CAMK1D: variants seen among roughly 807,000 people sequenced by gnomAD.
The protein encoded by CAMK1D is calcium/calmodulin-dependent protein kinase type 1D.
Under a neutral mutation model 47.7 loss-of-function variants are expected in CAMK1D, and 9 were observed. That is an observed-to-expected ratio of 0.19 (90% CI 0.11 to 0.33). The LOEUF (loss-of-function observed/expected upper bound fraction) is 0.33. Ranked by LOEUF, CAMK1D falls within the 10% of genes least tolerant of loss-of-function variation. The pLI, the probability that CAMK1D is intolerant of heterozygous loss-of-function variation, is 1.00. For missense variants in CAMK1D, 291 were observed against 488.7 expected, an observed-to-expected ratio of 0.60 and a Z score of 3.81; for synonymous variants, 184 against 184.9, an observed-to-expected ratio of 0.99 and a Z score of 0.04.
Position 12,683,499 on chromosome 10 carries a change from G to T in CAMK1D, c.299+16689G>T, listed in dbSNP as rs1832530783. 2.0e-5 allele frequency among the ~76,000 whole-genome samples: 3 copies of T among 152,040 alleles called. No individual in the cohort carries two copies. In the South Asian group the frequency reaches 6.2e-4, roughly 31 times the overall value. ...AGTGGCACTTTTTACTCTCAAGATG[G>T]ACCGATGGATAATGTTACACTTGTT... On this transcript the variant is annotated intron_variant, in intron 3 of 10. Transcript: ENST00000619168.
At chr10:12,626,463 TTTTC>T (rs1180306659) in intron 2 of CAMK1D, among the ~76,000 whole-genome samples, 2 of 146,624 alleles carry the variant, frequency 1.4e-5, no homozygotes, top group African/African-American at 4.8e-5. Context: ...TATTCACCAA[TTTTC>T]TTTCTTTCTT....
At chr10:12,506,675 C>T (rs1018451403) in intron 1 of CAMK1D, among the ~76,000 whole-genome samples, 10 of 152,222 alleles carry the variant, frequency 6.6e-5, no homozygotes, top group East Asian at 5.9e-4. Context: ...TCCGCCACCA[C>T]GCCCGGCTAG....
intron 3 of CAMK1D, among the ~76,000 whole-genome samples, chr10:12,729,923 G>T (rs1834816691): frequency 7.3e-6 from 1 of 137,522 alleles, no homozygotes; most frequent in Non-Finnish European, 1.6e-5. Context: ...GATGTAACAG[G>T]AGGCCTCGTC....
At chr10:12,823,580 C>T (rs1833091707) in intron 8 of CAMK1D, among the ~76,000 whole-genome samples, 1 of 151,784 alleles carries the variant, frequency 6.6e-6, no homozygotes, top group Non-Finnish European at 1.5e-5. Context: ...CTGTAAGACC[C>T]AAGAAAGAGA....
At chr10:12,594,990 A>G (rs954355399) in intron 2 of CAMK1D, among the ~76,000 whole-genome samples, 4 of 152,174 alleles carry the variant, frequency 2.6e-5, no homozygotes, top group Non-Finnish European at 4.4e-5. Context: ...GACACTGACA[A>G]TGAAAGGCGG....
At chr10:12,505,133 A>G (rs2132150258) in intron 1 of CAMK1D, among the ~76,000 whole-genome samples, 1 of 152,276 alleles carries the variant, frequency 6.6e-6, no homozygotes, top group African/African-American at 2.4e-5. Flanking sequence ...TGTTAACCCC[A>G]TCCTATCCTG....
chr10:12,623,928 A>C (rs149255472), intron 2 of CAMK1D, among the ~76,000 whole-genome samples: 3,332 of 152,040 alleles, frequency 0.022, 84 homozygotes, highest in African/African-American at 0.065. Flanking sequence ...AAAATACAAA[A>C]ATTAGCTAGG....
At position 12,352,736 on chromosome 10, in the gene CAMK1D, C is replaced by CTTT. The variant is rs1564288818; in HGVS notation, c.92+2827_92+2829dup. Among the ~76,000 whole-genome samples the CTTT allele has an allele frequency of 1.7e-4, 6 of 34,400 alleles. 1 individual carries two copies. The highest frequency in any genetic ancestry group is 6.8e-4 in the South Asian group (1 of 1,472). The allele number at this position is 34,400 out of a possible 152,430, so 22.6% of individuals were successfully genotyped here. On this transcript the variant is annotated intron_variant, in intron 1 of 10. Transcript: ENST00000619168. ...ATTGTCGTCCTTTTGCTTCTGTGGA[C>CTTT]TTTCTTTTTTTTTTTTTTGAGACGG... is the stretch of plus-strand genomic sequence containing the variant.
chr10:12,577,796 A>G (rs112994519), intron 2 of CAMK1D, among the ~76,000 whole-genome samples: 6 of 152,266 alleles, frequency 3.9e-5, no homozygotes, highest in African/African-American at 1.2e-4. Flanking sequence ...CAGCCCCTCC[A>G]AGATTATGCC....
chr10:12,500,856 A>G (rs1834679982), intron 1 of CAMK1D, among the ~76,000 whole-genome samples: 1 of 152,262 alleles, frequency 6.6e-6, no homozygotes, highest in Admixed American at 6.5e-5. Context: ...GTTAGCATGA[A>G]GAAGAGGAAA....
chr10:12,650,262 C>A (rs1458808859), intron 2 of CAMK1D, among the ~76,000 whole-genome samples: 1 of 152,274 alleles, frequency 6.6e-6, no homozygotes, highest in Admixed American at 6.5e-5. Context: ...CCAGCCCAGA[C>A]TGGAGCGCAG....
chr10:12,532,749 T>C (rs1413076256), intron 1 of CAMK1D, among the ~76,000 whole-genome samples: 2 of 151,838 alleles, frequency 1.3e-5, no homozygotes, highest in East Asian at 3.9e-4. Context: ...CACAATGGAG[T>C]ACTATTCAGC....
intron 2 of CAMK1D, among the ~76,000 whole-genome samples, chr10:12,591,271 A>G (rs1837986682): frequency 6.6e-6 from 1 of 152,172 alleles, no homozygotes; most frequent in Non-Finnish European, 1.5e-5. Context: ...CCCTGTAGCA[A>G]TTGGCCCGGC....
At chr10:12,747,823 G>T (rs955467934) in intron 3 of CAMK1D, among the ~76,000 whole-genome samples, 1 of 152,154 alleles carries the variant, frequency 6.6e-6, no homozygotes, top group Non-Finnish European at 1.5e-5. Flanking sequence ...CAATGTCCCA[G>T]CTTTAAAGCA....
rs192762213 is a variant in CAMK1D at position 12,371,757 on chromosome 10, G to A, written c.92+21847G>A. On this transcript the variant is annotated intron_variant, in intron 1 of 10. Transcript: ENST00000619168. ...CTAAAAATAGAAAAATTAGCTGGGC[G>A]TGGTGGTCAAGTGATTCTCCTGCCT... Among the ~76,000 whole-genome samples, 7 of 152,014 alleles carry A rather than the reference G, an allele frequency of 4.6e-5. No individual in the cohort carries two copies. In the East Asian group the frequency reaches 7.8e-4, roughly 17 times the overall value.
At chr10:12,533,093 A>G (rs955733712) in intron 1 of CAMK1D, among the ~76,000 whole-genome samples, 3 of 152,250 alleles carry the variant, frequency 2.0e-5, no homozygotes, top group Non-Finnish European at 4.4e-5. Context: ...CATTGTTTGT[A>G]ACACAAAGGA....
intron 3 of CAMK1D, among the ~76,000 whole-genome samples, chr10:12,760,237 T>G (rs1836438028): frequency 6.6e-6 from 1 of 152,204 alleles, no homozygotes; most frequent in South Asian, 2.1e-4. Flanking sequence ...TGAAAAATGT[T>G]TAAAAATGTT....
chr10:12,672,164 C>T (rs1488528779), intron 3 of CAMK1D, among the ~76,000 whole-genome samples: 1 of 151,648 alleles, frequency 6.6e-6, no homozygotes, highest in Non-Finnish European at 1.5e-5. Context: ...ATCTGCCTGC[C>T]GCGGCCTCCC....
At chr10:12,351,789 A>C (rs906017859) in intron 1 of CAMK1D, among the ~76,000 whole-genome samples, 3 of 151,474 alleles carry the variant, frequency 2.0e-5, no homozygotes, top group African/African-American at 7.3e-5. Flanking sequence ...AGCCTCTTGG[A>C]CTCCAGCCAT....
Sources: gnomAD v4.1 joint callset for allele counts (sites outside exome capture counted in the v4.1 genomes callset) on GRCh38, gnomAD v4.1.1 for gene constraint, MANE v1.5 for transcripts, NCBI Gene and HGNC (gene_info 2026-07-23, HGNC 2026-07-21) for gene names.